CD38: variants seen among roughly 807,000 people sequenced by gnomAD.
The protein encoded by CD38 is ADP-ribosyl cyclase/cyclic ADP-ribose hydrolase 1.
A neutral mutation model predicts 36.3 loss-of-function variants in CD38; 31 were observed. The observed-to-expected ratio is 0.85, with a 90% confidence interval of 0.64 to 1.15. The LOEUF (loss-of-function observed/expected upper bound fraction) is 1.15, where lower values mean the gene tolerates loss of function less well. Ranked by LOEUF, CD38 falls within the 50% of genes most tolerant of loss-of-function variation. CD38 has a pLI of 0.00. For missense variants in CD38, 380 were observed against 371.9 expected, an observed-to-expected ratio of 1.02 and a Z score of -0.18; for synonymous variants, 131 against 135.2, an observed-to-expected ratio of 0.97 and a Z score of 0.22.
At position 15,850,029 on chromosome 4, in the gene CD38, A is replaced by G. The variant is rs1724350979; in HGVS notation, c.*1427A>G. 1.3e-5 allele frequency: 2 copies of G among 152,194 alleles called. No homozygotes were observed. The highest frequency in any genetic ancestry group is 4.1e-4 in the South Asian group (2 of 4,830). 9.4% of individuals were successfully genotyped at this position (152,194 alleles called of 1,614,324 possible). A position where few individuals can be genotyped will look rare whatever the true frequency, so the allele number is the denominator to read the frequency against. ...TCTAGTTTTGAAAAAAACATAAGCC[A>G]GGCATGGTGGCTCACACCTGTATCC... On this transcript the variant is annotated 3_prime_UTR_variant, in exon 8 of 8. Transcript: ENST00000226279.
intron 3 of CD38, among the ~76,000 whole-genome samples, chr4:15,826,257 C>G (rs895449062): frequency 6.6e-6 from 1 of 152,138 alleles, no homozygotes; most frequent in Non-Finnish European, 1.5e-5. Context: ...TCTTTCTAGA[C>G]TTTTCCTATG....
At chr4:15,802,567 T>C (rs1431131309) in intron 1 of CD38, among the ~76,000 whole-genome samples, 2 of 145,978 alleles carry the variant, frequency 1.4e-5, no homozygotes, top group African/African-American at 4.9e-5. Flanking sequence ...CTTCATTTCA[T>C]TTTATTTTTG....
chr4:15,848,385 C>T (rs896367678), intron 7 of CD38, among the ~76,000 whole-genome samples, 154 bp from the exon 8 acceptor site: 18 of 152,140 alleles, frequency 1.2e-4, no homozygotes, highest in African/African-American at 4.3e-4. Flanking sequence ...GATAGCTCCC[C>T]TCCCGACATG....
At chr4:15,806,155 A>G (rs962468406) in intron 1 of CD38, among the ~76,000 whole-genome samples, 3 of 152,176 alleles carry the variant, frequency 2.0e-5, no homozygotes, top group Non-Finnish European at 4.4e-5. Context: ...GGATTTAACC[A>G]CCAAATATAT....
At position 15,848,536 on chromosome 4, in the gene CD38, T is replaced by G; in HGVS notation, c.840-3T>G. ...GATTTCCTTTTTTGCTTTCTTGTCA[T>G]AGACCTGACAAGTTTCTTCAGTGTG... On this transcript the variant is annotated splice_region_variant and splice_polypyrimidine_tract_variant and intron_variant, in intron 7 of 7. Transcript: ENST00000226279. 1 of 1,610,844 alleles carries G rather than the reference T, an allele frequency of 6.2e-7. No homozygotes were observed. Among genetic ancestry groups the G allele is most frequent in the Non-Finnish European group, 8.5e-7 (1 of 1,177,034 alleles).
Position 15,840,510 on chromosome 4 carries a change from A to G in CD38, c.811A>G (p.Ile271Val). ...GGAATCGATTATAAGCAAAAGGAAT[A>G]TTCAATTTTCCTGCAAGAATATCTA... is the stretch of plus-strand genomic sequence containing the variant. ...ELESIISKRNIQFSCKNIYRP... is the reference protein window; with the variant it reads ...ELESIISKRNVQFSCKNIYRP... The change falls in exon 7 of 8, where the codon ATT (isoleucine) becomes GTT (valine). Residue 271 changes from isoleucine (I) to valine (V), a missense_variant. Transcript: ENST00000226279. 1 of 1,602,070 alleles carries G rather than the reference A, an allele frequency of 6.2e-7. No homozygotes were observed. Among genetic ancestry groups the G allele is most frequent in the Non-Finnish European group, 8.6e-7 (1 of 1,169,568 alleles).
At chr4:15,806,990 C>T (rs7664143) in intron 1 of CD38, among the ~76,000 whole-genome samples, 60 of 152,242 alleles carry the variant, frequency 3.9e-4, no homozygotes, top group African/African-American at 1.4e-3. Flanking sequence ...TCTTTAATAT[C>T]ACCTTCAAGA....
intron 3 of CD38, among the ~76,000 whole-genome samples, chr4:15,829,655 C>T (rs920368445): frequency 5.3e-5 from 8 of 152,166 alleles, no homozygotes; most frequent in African/African-American, 1.9e-4. Context: ...TTATTGACTA[C>T]AGTCACCATA....
intron 1 of CD38, among the ~76,000 whole-genome samples, chr4:15,787,852 A>G (rs1284732187): frequency 6.6e-6 from 1 of 152,196 alleles, no homozygotes; most frequent in Non-Finnish European, 1.5e-5. Context: ...CCTGGAGCCA[A>G]CGCAGTCTGT....
chr4:15,834,012 T>A (rs1320276307), intron 3 of CD38, among the ~76,000 whole-genome samples: 1 of 152,236 alleles, frequency 6.6e-6, no homozygotes, highest in Non-Finnish European at 1.5e-5. Context: ...TGTTCCCATC[T>A]GGGATTTGGA....
chr4:15,819,655 G>A (rs761832342), intron 2 of CD38, among the ~76,000 whole-genome samples: 7 of 152,110 alleles, frequency 4.6e-5, no homozygotes, highest in Non-Finnish European at 1.0e-4. Context: ...ATCAGAGCTT[G>A]AAGAGTATCT....
chr4:15,801,144 T>TA lies in CD38; in HGVS notation c.234-15366dup, dbSNP rs113696095. Among the ~76,000 whole-genome samples the TA allele has an allele frequency of 7.2e-3, 1,099 of 152,154 alleles. 17 individuals carry two copies. Among genetic ancestry groups the TA allele is most frequent in the African/African-American group, 0.025 (1,040 of 41,538 alleles). On this transcript the variant is annotated intron_variant, in intron 1 of 7. Transcript: ENST00000226279. ...AATATAAAGGATCGTAAGAGACTAT[T>TA]ATGAACACCAATAAATTGGAAAGCC...
rs770510403 is a variant in CD38, at chr4:15,778,474, G to A, written c.60G>A (p.Arg20=). The A allele has an allele frequency of 1.9e-6, 3 of 1,613,940 alleles. No individual in the cohort carries two copies. The highest frequency in any genetic ancestry group is 2.2e-5 in the East Asian group (1 of 44,844). ...SGDKPCCRLS[R]RAQLCLGVSI... ...ACAAACCCTGCTGCCGGCTCTCTAG[G>A]AGAGCCCAACTCTGTCTTGGCGTCA... Residue 20 remains arginine (R), a synonymous_variant, in exon 1 of 8, where the codon AGG becomes AGA. Coordinates refer to ENST00000226279, the MANE Select transcript of CD38 (RefSeq NM_001775.4). This position sits in a 1 kb window ranked among gnomAD's most constrained non-coding sequence, Gnocchi z 4.9.
At chr4:15,841,070 G>C (rs1724195400) in intron 7 of CD38, among the ~76,000 whole-genome samples, 1 of 151,830 alleles carries the variant, frequency 6.6e-6, no homozygotes, top group African/African-American at 2.4e-5. Flanking sequence ...AAATTTTTCT[G>C]ATAATTTGTG....
In CD38 at chr4:15,840,252, C is replaced by T. The variant is rs77708003; in HGVS notation, c.752+134C>T. 189 of 744,810 alleles carry T rather than the reference C, an allele frequency of 2.5e-4. 1 individual carries two copies. The highest frequency in any genetic ancestry group is 3.9e-4 in the Admixed American group (17 of 43,618). The allele number at this position is 744,810 out of a possible 1,614,324, so 46.1% of individuals were successfully genotyped here. A position where few individuals can be genotyped will look rare whatever the true frequency, so the allele number is the denominator to read the frequency against. On this transcript the variant is annotated intron_variant, in intron 6 of 7. Transcript: ENST00000226279. Reference sequence around the variant, plus strand: ...CATGAATGTGCATGAATCCCAACAGCCTCTTAACTTTATCTCCACAAAGGA... The same window carrying T: ...CATGAATGTGCATGAATCCCAACAGTCTCTTAACTTTATCTCCACAAAGGA...
intron 1 of CD38, among the ~76,000 whole-genome samples, chr4:15,801,712 A>T (rs548293558): frequency 1.4e-4 from 21 of 152,304 alleles, no homozygotes; most frequent in African/African-American, 4.3e-4. Flanking sequence ...ACCACAATAG[A>T]TGCAGAAAAA....
At chr4:15,829,027 A>C (rs1475702119) in intron 3 of CD38, among the ~76,000 whole-genome samples, 1 of 152,140 alleles carries the variant, frequency 6.6e-6, no homozygotes, top group Non-Finnish European at 1.5e-5. Flanking sequence ...CAGGTGTGAG[A>C]TGATGTCTCA....
chr4:15,799,571 G>T (rs1273087417), intron 1 of CD38, among the ~76,000 whole-genome samples: 1 of 152,086 alleles, frequency 6.6e-6, no homozygotes, highest in Admixed American at 6.6e-5. Flanking sequence ...TGTATTAATA[G>T]CTTGTTCCTT....
rs965473627 is a variant in CD38, at chr4:15,796,213, G to A, written c.233+17566G>A. Among the ~76,000 whole-genome samples, 4 of 152,228 alleles carry A rather than the reference G, an allele frequency of 2.6e-5. No homozygotes were observed. In the South Asian group the frequency reaches 6.2e-4, roughly 24 times the overall value. On this transcript the variant is annotated intron_variant, in intron 1 of 7. Transcript: ENST00000226279. ...ATGTAAGATTTAGTTAGTTGTTCACGTTTTGGGGTCCTGCTTTTATGTGTT... is the reference window on the plus strand; with the variant it reads ...ATGTAAGATTTAGTTAGTTGTTCACATTTTGGGGTCCTGCTTTTATGTGTT...
Sources: allele counts gnomAD v4.1 joint callset (sites outside exome capture counted in the v4.1 genomes callset), GRCh38; gene constraint gnomAD v4.1.1; non-coding constraint Gnocchi (gnomAD v3.1); transcripts MANE v1.5; gene names NCBI Gene and HGNC (gene_info 2026-07-23, HGNC 2026-07-21).